The following AOAH variants were observed in gnomAD, a reference collection of about 807,000 sequenced individuals.
The protein encoded by AOAH is acyloxyacyl hydrolase.
In AOAH, 64 loss-of-function variants were observed where a neutral mutation model predicts 92.2. The observed-to-expected ratio is 0.69, with a 90% CI of 0.57 to 0.86. The LOEUF is 0.86. Among genes scored for constraint, AOAH ranks in the 40% least tolerant of loss-of-function variants. AOAH has a pLI of 0.00. For synonymous variants in AOAH, 263 were observed against 254.5 expected (o/e 1.03, Z -0.32); for missense variants, 656 against 694.6 (o/e 0.94, Z 0.62).
At chr7:36,656,752 T>C (rs191017655) in intron 4 of AOAH, among the ~76,000 whole-genome samples, 369 of 150,952 alleles carry the variant, frequency 2.4e-3, no homozygotes, top group African/African-American at 8.5e-3. Context: ...TGGTTTGTAA[T>C]TGGGGTTTGC....
chr7:36,636,213 G>A (rs1015869312), intron 5 of AOAH, among the ~76,000 whole-genome samples: 1 of 152,162 alleles, frequency 6.6e-6, no homozygotes, highest in Non-Finnish European at 1.5e-5. Context: ...CTTGATAGCT[G>A]TAATCTGGAG....
chr7:36,542,511 G>A (rs1785486321), intron 15 of AOAH, among the ~76,000 whole-genome samples: 1 of 152,194 alleles, frequency 6.6e-6, no homozygotes, highest in Non-Finnish European at 1.5e-5. Flanking sequence ...GGGGCCCCCA[G>A]GGATCCATAA....
At chr7:36,554,634 T>C (rs1786549792) in intron 13 of AOAH, among the ~76,000 whole-genome samples, 1 of 152,114 alleles carries the variant, frequency 6.6e-6, no homozygotes, top group East Asian at 1.9e-4. Flanking sequence ...TGTTCTTCCA[T>C]TTGTTTGTAT....
intron 2 of AOAH, among the ~76,000 whole-genome samples, chr7:36,677,225 A>G (rs1796306657): frequency 6.6e-6 from 1 of 152,210 alleles, no homozygotes; most frequent in Non-Finnish European, 1.5e-5. Flanking sequence ...ATAAAGGACT[A>G]TTACAACTCA....
chr7:36,700,266 G>A (rs1347861195), intron 1 of AOAH, among the ~76,000 whole-genome samples: 1 of 151,924 alleles, frequency 6.6e-6, no homozygotes, highest in Admixed American at 6.6e-5. Flanking sequence ...GGCTTTTCGT[G>A]TAACCATCAC....
chr7:36,591,947 T>G (rs1276503299), intron 12 of AOAH, among the ~76,000 whole-genome samples: 1 of 152,200 alleles, frequency 6.6e-6, no homozygotes, highest in African/African-American at 2.4e-5. Flanking sequence ...CTTGAGTGAC[T>G]CCAGTAAAGA....
chr7:36,688,458 G>T (rs951200154), intron 1 of AOAH, among the ~76,000 whole-genome samples: 1 of 151,986 alleles, frequency 6.6e-6, no homozygotes, highest in Admixed American at 6.6e-5. Flanking sequence ...TTATGTCTCT[G>T]ATAATAAATA....
intron 3 of AOAH, among the ~76,000 whole-genome samples, chr7:36,670,990 G>T (rs1265189749): frequency 1.3e-5 from 2 of 152,136 alleles, no homozygotes; most frequent in African/African-American, 4.8e-5. Context: ...CCAGCACACT[G>T]CTGTTGGGAG....
intron 1 of AOAH, chr7:36,690,311 G>A (rs1797316995): frequency 5.6e-6 from 2 of 357,490 alleles, no homozygotes; most frequent in Non-Finnish European, 1.1e-5. Flanking sequence ...GGACCCTGCA[G>A]GAAAGGCCAT....
chr7:36,547,163 T>C (rs1201307269), intron 15 of AOAH, among the ~76,000 whole-genome samples: 3 of 152,236 alleles, frequency 2.0e-5, no homozygotes, highest in African/African-American at 4.8e-5. Flanking sequence ...TCTTGGTTCA[T>C]GGCAGTCCTT....
At chr7:36,632,369 C>T (rs1307172154) in intron 5 of AOAH, among the ~76,000 whole-genome samples, 1 of 152,250 alleles carries the variant, frequency 6.6e-6, no homozygotes, top group Non-Finnish European at 1.5e-5. Context: ...CCCAGCCACC[C>T]TCACTCTCCA....
At chr7:36,687,655 C>T (rs1490888270) in intron 1 of AOAH, among the ~76,000 whole-genome samples, 2 of 151,820 alleles carry the variant, frequency 1.3e-5, no homozygotes, top group African/African-American at 2.4e-5. Context: ...GAAGAGTGGA[C>T]ACTTGCTGGC....
chr7:36,625,610 C>T (rs1252462034), intron 6 of AOAH, among the ~76,000 whole-genome samples: 1 of 152,140 alleles, frequency 6.6e-6, no homozygotes, highest in Non-Finnish European at 1.5e-5. Flanking sequence ...AAATTAGAAA[C>T]GTTCTACTTG....
intron 1 of AOAH, among the ~76,000 whole-genome samples, chr7:36,706,993 G>T: frequency 6.6e-6 from 1 of 150,890 alleles, no homozygotes. Context: ...TATTATTGGT[G>T]TGTTTAGTGG....
At chr7:36,596,466 T>C (rs1790133603) in intron 11 of AOAH, among the ~76,000 whole-genome samples, 1 of 152,156 alleles carries the variant, frequency 6.6e-6, no homozygotes, top group Non-Finnish European at 1.5e-5. Flanking sequence ...TCGTTGCAGA[T>C]GTAACTAGTT....
intron 3 of AOAH, among the ~76,000 whole-genome samples, chr7:36,665,648 A>G (rs767469241): frequency 6.6e-6 from 1 of 152,142 alleles, no homozygotes; most frequent in Non-Finnish European, 1.5e-5. Context: ...TCTAGTTCTC[A>G]GCATGAAGTA....
At chr7:36,712,159 C>G (rs1446039732) in intron 1 of AOAH, among the ~76,000 whole-genome samples, 1 of 152,184 alleles carries the variant, frequency 6.6e-6, no homozygotes, top group Non-Finnish European at 1.5e-5. Flanking sequence ...TAAATCCTTC[C>G]TATTCTTGTC....
At chr7:36,636,963 C>T (rs529534259) in intron 5 of AOAH, among the ~76,000 whole-genome samples, 47 of 152,282 alleles carry the variant, frequency 3.1e-4, no homozygotes, top group Non-Finnish European at 6.3e-4. Flanking sequence ...AAGCCAAGGA[C>T]GAGGTCTTTG....
At chr7:36,630,618 C>G (rs753254949) in intron 6 of AOAH, among the ~76,000 whole-genome samples, 1 of 152,142 alleles carries the variant, frequency 6.6e-6, no homozygotes, top group Non-Finnish European at 1.5e-5. Flanking sequence ...AGCACTCCCC[C>G]ACCAGGTTTG....
Sources: gnomAD v4.1 joint callset for allele counts (sites outside exome capture counted in the v4.1 genomes callset) on GRCh38, gnomAD v4.1.1 for gene constraint, MANE v1.5 for transcripts, NCBI Gene and HGNC (gene_info 2026-07-23, HGNC 2026-07-21) for gene names.